The following TECR variants were observed in gnomAD, a reference collection of about 807,000 sequenced individuals.
The protein encoded by TECR is trans-2,3-enoyl-CoA reductase.
A neutral mutation model predicts 50.6 loss-of-function variants in TECR; 19 were observed. That is an observed-to-expected ratio of 0.38 (90% CI 0.26 to 0.55). The LOEUF (loss-of-function observed/expected upper bound fraction) is 0.55. Ranked by LOEUF, TECR falls within the 20% of genes least tolerant of loss-of-function variation. The pLI, the probability that TECR is intolerant of heterozygous loss-of-function variation, is 0.79. For synonymous variants in TECR, 168 were observed against 163.5 expected (o/e 1.03, Z -0.21); for missense variants, 313 against 408.3 (o/e 0.77, Z 2.01).
At chr19:14,553,435 G>A (rs2073608750) in intron 1 of TECR, among the ~76,000 whole-genome samples, 2 of 152,142 alleles carry the variant, frequency 1.3e-5, no homozygotes, top group Non-Finnish European at 2.9e-5. Flanking sequence ...TGCTTCCACT[G>A]TGGCGCCTCG....
chr19:14,556,434 C>CAAAAAAAAA (rs1491415468), intron 1 of TECR, among the ~76,000 whole-genome samples: 53,755 of 128,366 alleles, frequency 0.42, 10,154 homozygotes, highest in Non-Finnish European at 0.46. Context: ...ACAAAAAAAA[C>CAAAAAAAAA]CACATTGTGA....
chr19:14,563,836 A>G lies in TECR; in HGVS notation c.200A>G (p.Lys67Arg). 6.2e-7 allele frequency: 1 copy of G among 1,613,942 alleles called. No homozygotes were observed. Among genetic ancestry groups the G allele is most frequent in the Non-Finnish European group, 8.5e-7 (1 of 1,179,950 alleles). ...KSLKDEDVLQ[K>R]LPVGTTATLY... ...CTGAAGGATGAGGATGTTCTGCAGA[A>G]GCTGCCCGTGGGCACCACGGCCACA... Residue 67 changes from lysine (K) to arginine (R), a missense_variant, in exon 5 of 13, where the codon AAG becomes AGG. By Grantham distance (26) the Lys-to-Arg change is conservative. Coordinates refer to ENST00000215567, the MANE Select transcript of TECR (RefSeq NM_138501.6). This position sits in a 1 kb window ranked among gnomAD's most constrained non-coding sequence, Gnocchi z 5.3.
At chr19:14,549,424 G>T (rs1568412980) in intron 1 of TECR, among the ~76,000 whole-genome samples, 1 of 151,902 alleles carries the variant, frequency 6.6e-6, no homozygotes, top group African/African-American at 2.4e-5. Context: ...TATTGGCCAG[G>T]CTAGTCTTGA....
intron 1 of TECR, among the ~76,000 whole-genome samples, chr19:14,535,756 CAAAAAAAAAAAA>C (rs1161257175): frequency 1.9e-5 from 1 of 51,944 alleles, no homozygotes. Context: ...GACTCTGTCT[CAAAAAAAAAAAA>C]AAAAAAAAAG....
At chr19:14,562,423 CG>C in intron 1 of TECR, 101 bp from the exon 2 acceptor site, 1 of 1,312,522 alleles carries the variant, frequency 7.6e-7, no homozygotes, top group Non-Finnish European at 1.1e-6. Flanking sequence ...CTTGTTGGCC[CG>C]GGAGGCCACC....
chr19:14,539,140 A>ATTTTTTTTTT (rs57801378), intron 1 of TECR, among the ~76,000 whole-genome samples: 1 of 92,534 alleles, frequency 1.1e-5, no homozygotes, highest in African/African-American at 4.6e-5. Flanking sequence ...CGCCCGGCTA[A>ATTTTTTTTTT]TTTTTTTTTT....
intron 1 of TECR, among the ~76,000 whole-genome samples, chr19:14,551,946 CCTCTCTCT>C (rs71166756): frequency 1.8e-4 from 13 of 71,250 alleles, no homozygotes; most frequent in South Asian, 7.3e-4. Context: ...TCCCTCCCTC[CCTCTCTCT>C]CTCTCTCTCT....
In TECR at chr19:14,565,248, G is replaced by T. The variant is rs779133529; in HGVS notation, c.711G>T (p.Thr237=). The change falls in exon 11 of 13, where the codon ACG becomes ACT. Residue 237 remains threonine (T), a synonymous_variant. Coordinates refer to ENST00000215567, the MANE Select transcript of TECR (RefSeq NM_138501.6). ...KIPYPTKNPF[T]WLFLLVSCPN... is the part of the protein sequence containing the mutation. ...CATACCCCACCAAGAACCCCTTCAC[G>T]TGGCTCTTCCTGCTGGTGTCCTGCC... 7.4e-6 allele frequency: 12 copies of T among 1,613,916 alleles called. No individual in the cohort carries two copies. In the Admixed American group the frequency reaches 1.0e-4, roughly 13 times the overall value.
chr19:14,533,475 C>T (rs958033090), intron 1 of TECR, among the ~76,000 whole-genome samples: 3 of 152,058 alleles, frequency 2.0e-5, no homozygotes, highest in Non-Finnish European at 2.9e-5. Context: ...ATCTTCCCAC[C>T]CTCAAGCAGT....
At chr19:14,551,201 T>C (rs990815208) in intron 1 of TECR, among the ~76,000 whole-genome samples, 3 of 151,756 alleles carry the variant, frequency 2.0e-5, no homozygotes, top group Admixed American at 6.6e-5. Context: ...GGCTCCTGAG[T>C]AGCTGGGATT....
At chr19:14,540,637 C>T (rs2073066687) in intron 1 of TECR, among the ~76,000 whole-genome samples, 1 of 152,004 alleles carries the variant, frequency 6.6e-6, no homozygotes, top group African/African-American at 2.4e-5. Flanking sequence ...AGTGATCCAC[C>T]TGCCTGGGCC....
chr19:14,550,513 C>G (rs1287975238), intron 1 of TECR, among the ~76,000 whole-genome samples: 2 of 152,220 alleles, frequency 1.3e-5, no homozygotes, highest in Middle Eastern at 6.8e-3. Context: ...CCTTCCTGCC[C>G]TGAGTTGGAG....
In TECR at chr19:14,543,419, ATTTTTTTTT is replaced by A. The variant is rs1169742953; in HGVS notation, c.15+13737_15+13745del. Among the ~76,000 whole-genome samples the A allele has an allele frequency of 6.2e-3, 134 of 21,718 alleles. 1 individual carries two copies. Among genetic ancestry groups the A allele is most frequent in the Admixed American group, 9.0e-3 (11 of 1,226 alleles). 14.2% of individuals were successfully genotyped at this position (21,718 alleles called of 152,430 possible). A position where few individuals can be genotyped will look rare whatever the true frequency, so the allele number is the denominator to read the frequency against. ...TATATATATATATATATATATATAT[ATTTTTTTTT>A]TTTTTTTTTTTTTTTTTTTTTTTTT... On this transcript the variant is annotated intron_variant, in intron 1 of 12. Coordinates refer to ENST00000215567, the MANE Select transcript of TECR (RefSeq NM_138501.6).
chr19:14,557,600 C>G (rs546977065), intron 1 of TECR, among the ~76,000 whole-genome samples: 2 of 151,292 alleles, frequency 1.3e-5, no homozygotes, highest in South Asian at 4.2e-4. Context: ...TACAGGCATG[C>G]ACCACCACGC....
intron 1 of TECR, among the ~76,000 whole-genome samples, chr19:14,542,326 A>G (rs1184020997): frequency 7.9e-6 from 1 of 126,372 alleles, no homozygotes; most frequent in Non-Finnish European, 1.6e-5. Flanking sequence ...TTAAGTCCTC[A>G]GGGGGCCCTC....
At chr19:14,562,662 C>G in intron 2 of TECR, 87 bp downstream of exon 2, 2 of 1,430,076 alleles carry the variant, frequency 1.4e-6, no homozygotes, top group Non-Finnish European at 2.0e-6. Flanking sequence ...CCAGTGGGGC[C>G]CTTTGTGCCC....
chr19:14,561,500 CTCCT>C (rs2073900972), intron 1 of TECR, among the ~76,000 whole-genome samples: 1 of 152,198 alleles, frequency 6.6e-6, no homozygotes, highest in South Asian at 2.1e-4. Context: ...CTGGGCCAGA[CTCCT>C]ACCTCAGGGG....
chr19:14,533,734 CTG>C (rs2072759199), intron 1 of TECR, among the ~76,000 whole-genome samples: 1 of 152,172 alleles, frequency 6.6e-6, no homozygotes, highest in Admixed American at 6.5e-5. Flanking sequence ...GTTTTCCACT[CTG>C]TGGCCTAATT....
chr19:14,532,045 G>C (rs1362700664), intron 1 of TECR: 1 of 149,842 alleles, frequency 6.7e-6, no homozygotes, highest in African/African-American at 2.5e-5. Flanking sequence ...ACCATGTCCA[G>C]CTTGAAACAT....
Sources: allele counts gnomAD v4.1 joint callset (sites outside exome capture counted in the v4.1 genomes callset), GRCh38; gene constraint gnomAD v4.1.1; non-coding constraint Gnocchi (gnomAD v3.1); transcripts MANE v1.5; gene names NCBI Gene and HGNC (gene_info 2026-07-23, HGNC 2026-07-21).